The following ATAD2B variants were observed in gnomAD, a reference collection of about 807,000 sequenced individuals.
ATAD2B encodes the protein ATPase family AAA domain-containing protein 2B.
Under a neutral mutation model 167.6 loss-of-function variants are expected in ATAD2B, and 40 were observed. The ratio of observed to expected loss-of-function variants is 0.24; its 90% CI spans 0.19 to 0.31. The LOEUF (loss-of-function observed/expected upper bound fraction) is 0.31. Among genes scored for constraint, ATAD2B ranks in the 10% least tolerant of loss-of-function variants. The pLI is 1.00. For missense variants in ATAD2B, 1,242 were observed against 1,757.2 expected (o/e 0.71, Z 5.24); for synonymous variants, 579 against 596.5 (o/e 0.97, Z 0.43).
intron 14 of ATAD2B, among the ~76,000 whole-genome samples, 153 bp from the exon 15 acceptor site, chr2:23,829,092 T>A (rs1471662920): frequency 6.6e-6 from 1 of 152,200 alleles, no homozygotes; most frequent in African/African-American, 2.4e-5. Context: ...CACCTTAGCA[T>A]CTGTCTACAT....
At chr2:23,855,347 T>G (rs901845818) in intron 13 of ATAD2B, among the ~76,000 whole-genome samples, 11 of 152,208 alleles carry the variant, frequency 7.2e-5, no homozygotes, top group Middle Eastern at 3.2e-3. Context: ...ATTGGATTAA[T>G]ATTAAAGCTT....
intron 1 of ATAD2B, among the ~76,000 whole-genome samples, chr2:23,922,402 G>A (rs1445642963): frequency 6.6e-6 from 1 of 151,858 alleles, no homozygotes; most frequent in Non-Finnish European, 1.5e-5. Flanking sequence ...CAGTATACAG[G>A]AGTAATCACA....
chr2:23,880,740 T>A lies in ATAD2B; in HGVS notation c.800A>T (p.Asp267Val). ...TGCCTCTTCAACTTCTATATCTCCA[T>A]CCTCCTCTTGAGATTCTAGTTTCCC... is the stretch of plus-strand genomic sequence containing the variant. ...EGEEEESQEE[D>V]GDIEVEEAEG... is the part of the protein sequence containing the mutation. The change falls in exon 7 of 28, where the codon GAT becomes GTT. Residue 267 changes from aspartate (D) to valine (V), a missense_variant. By Grantham distance (152) the Asp-to-Val change is radical. This residue lies in a region of ATAD2B where 99 missense variants were observed against 160.4 expected (regional missense o/e 0.62). Coordinates refer to ENST00000238789, the MANE Select transcript of ATAD2B (RefSeq NM_017552.4). The A allele has an allele frequency of 1.3e-6, 2 of 1,596,646 alleles. No individual in the cohort carries two copies. The highest frequency in any genetic ancestry group is 1.1e-5 in the South Asian group (1 of 89,624).
intron 1 of ATAD2B, among the ~76,000 whole-genome samples, chr2:23,904,483 G>A (rs1333983789): frequency 6.7e-6 from 1 of 150,342 alleles, no homozygotes; most frequent in Non-Finnish European, 1.5e-5. Flanking sequence ...TTACAAAAGT[G>A]TCAGAATTAA....
chr2:23,879,286 C>T (rs1270036121), intron 7 of ATAD2B, among the ~76,000 whole-genome samples: 1 of 151,684 alleles, frequency 6.6e-6, no homozygotes, highest in Non-Finnish European at 1.5e-5. Context: ...TATATCCACA[C>T]CACAGAATGC....
chr2:23,756,780 A>G (rs1166220471), intron 25 of ATAD2B, among the ~76,000 whole-genome samples: 1 of 152,162 alleles, frequency 6.6e-6, no homozygotes, highest in Non-Finnish European at 1.5e-5. Flanking sequence ...CAGCCCTTGG[A>G]TTCAATTAAC....
At chr2:23,787,357 T>G (rs574282462) in intron 20 of ATAD2B, among the ~76,000 whole-genome samples, 1 of 152,054 alleles carries the variant, frequency 6.6e-6, no homozygotes, top group South Asian at 2.1e-4. Context: ...ATCGTAAACA[T>G]AGAAAATTCA....
At chr2:23,848,917 A>G (rs1209072377) in intron 13 of ATAD2B, among the ~76,000 whole-genome samples, 1 of 152,142 alleles carries the variant, frequency 6.6e-6, no homozygotes, top group Admixed American at 6.5e-5. Context: ...TCCAAGTTTT[A>G]CTCTTTATCA....
chr2:23,691,450 C>G, the ATAD2B span: 1 of 590,954 alleles, frequency 1.7e-6, no homozygotes, highest in Non-Finnish European at 3.0e-6. Context: ...ATGGACATGC[C>G]GAGTAGTGAT....
the ATAD2B span, among the ~76,000 whole-genome samples, chr2:23,729,471 A>G: frequency 8.6e-4 from 131 of 152,296 alleles, no homozygotes; most frequent in Admixed American, 1.8e-3. Flanking sequence ...ACTGATGTTA[A>G]TAATTCCCTT....
intron 6 of ATAD2B, among the ~76,000 whole-genome samples, chr2:23,881,911 CG>C (rs2150220944): frequency 6.6e-6 from 1 of 151,736 alleles, no homozygotes; most frequent in South Asian, 2.1e-4. Context: ...TCAGTAGAGA[CG>C]GGGTTTCACC....
At chr2:23,918,306 G>A (rs1385226518) in intron 1 of ATAD2B, among the ~76,000 whole-genome samples, 3 of 151,670 alleles carry the variant, frequency 2.0e-5, no homozygotes, top group African/African-American at 4.8e-5. Context: ...AGGAGGTCAA[G>A]GCTGCAACGA....
intron 11 of ATAD2B, among the ~76,000 whole-genome samples, chr2:23,863,804 C>T (rs1174145889): frequency 6.6e-6 from 1 of 151,950 alleles, no homozygotes; most frequent in Non-Finnish European, 1.5e-5. Flanking sequence ...AATGTGTTTC[C>T]CAATGACCCA....
At chr2:23,693,035 T>C in the ATAD2B span, among the ~76,000 whole-genome samples, 3 of 152,166 alleles carry the variant, frequency 2.0e-5, no homozygotes, top group Non-Finnish European at 2.9e-5. Context: ...TGCCAGGACC[T>C]GTGCGCACAG....
At chr2:23,818,012 T>C (rs1686709086) in intron 17 of ATAD2B, among the ~76,000 whole-genome samples, 1 of 152,000 alleles carries the variant, frequency 6.6e-6, no homozygotes, top group Admixed American at 6.6e-5. Flanking sequence ...CGTCTTTTGA[T>C]ACTTACTTAG....
At chr2:23,795,664 G>C (rs1682487937) in intron 19 of ATAD2B, among the ~76,000 whole-genome samples, 1 of 152,054 alleles carries the variant, frequency 6.6e-6, no homozygotes, top group East Asian at 1.9e-4. Context: ...GAGATCACCT[G>C]AGGTCAGGAG....
At chr2:23,734,719 A>G in the ATAD2B span, among the ~76,000 whole-genome samples, 5 of 152,134 alleles carry the variant, frequency 3.3e-5, no homozygotes, top group Admixed American at 2.6e-4. Context: ...CCATGTTCCA[A>G]TCACCTCCCA....
chr2:23,792,966 A>AG (rs1168410257), intron 19 of ATAD2B, among the ~76,000 whole-genome samples: 1 of 145,272 alleles, frequency 6.9e-6, no homozygotes, highest in African/African-American at 2.5e-5. Context: ...CTGTCTCAAA[A>AG]AAAAAAAAAA....
At chr2:23,703,775 G>A in the ATAD2B span, 1 of 1,537,384 alleles carries the variant, frequency 6.5e-7, no homozygotes. Flanking sequence ...CCTGGGCGGG[G>A]CTTATGCCAG....
Sources: gnomAD v4.1 joint callset for allele counts (sites outside exome capture counted in the v4.1 genomes callset) on GRCh38, gnomAD v4.1.1 for gene constraint, gnomAD v4.1.1 regional missense constraint, MANE v1.5 for transcripts, NCBI Gene and HGNC (gene_info 2026-07-23, HGNC 2026-07-21) for gene names.